Variants in PDE4D observed in about 807,000 individuals in gnomAD.
PDE4D encodes phosphodiesterase 4D.
Under a neutral mutation model 87.4 loss-of-function variants are expected in PDE4D, and 24 were observed. The observed-to-expected ratio is 0.27, with a 90% CI of 0.20 to 0.39. The LOEUF (loss-of-function observed/expected upper bound fraction) is 0.39. PDE4D is among the 10% of genes least tolerant of loss of function. The pLI is 1.00. For missense variants in PDE4D, 714 were observed against 1,041.0 expected, an observed-to-expected ratio of 0.69 and a Z score of 4.32; for synonymous variants, 384 against 383.2, an observed-to-expected ratio of 1.00 and a Z score of -0.02.
intron 2 of PDE4D, among the ~76,000 whole-genome samples, chr5:59,201,210 T>C (rs1451087990): frequency 6.6e-6 from 1 of 152,106 alleles, no homozygotes; most frequent in African/African-American, 2.4e-5. Flanking sequence ...CTTATTTTAA[T>C]TAAATATACA....
intron 1 of PDE4D, chr5:59,275,438 C>G (rs1390380232): frequency 1.9e-6 from 3 of 1,592,470 alleles, no homozygotes; most frequent in Non-Finnish European, 2.5e-6. Flanking sequence ...AAGTCTTCAA[C>G]TATTCTGATT....
intron 1 of PDE4D, among the ~76,000 whole-genome samples, chr5:59,678,676 G>C (rs975564637): frequency 1.3e-5 from 2 of 152,090 alleles, no homozygotes; most frequent in African/African-American, 2.4e-5. Context: ...TGTTGGTCAG[G>C]CTGGTCTTAA....
chr5:60,361,029 G>A (rs921340559), intron 1 of PDE4D, among the ~76,000 whole-genome samples: 2 of 152,110 alleles, frequency 1.3e-5, no homozygotes, highest in Non-Finnish European at 2.9e-5. Flanking sequence ...AATCTCAAAC[G>A]CCACCAACAC....
intron 2 of PDE4D, among the ~76,000 whole-genome samples, chr5:60,113,024 A>G (rs1185764870): frequency 6.6e-6 from 1 of 152,092 alleles, no homozygotes; most frequent in Non-Finnish European, 1.5e-5. Flanking sequence ...TTTGAAGAGG[A>G]TGTTCCATGG....
intron 1 of PDE4D, among the ~76,000 whole-genome samples, chr5:59,804,752 G>A (rs925530432): frequency 6.6e-5 from 10 of 152,086 alleles, no homozygotes; most frequent in African/African-American, 2.4e-4. Flanking sequence ...GTCCAATAGT[G>A]ATTATTCTGG....
At chr5:59,139,822 A>C (rs76045623) in intron 5 of PDE4D, among the ~76,000 whole-genome samples, 5,876 of 152,144 alleles carry the variant, frequency 0.039, 331 homozygotes, top group African/African-American at 0.12. Context: ...AAAAAAACTA[A>C]AAAACTGTCG....
intron 1 of PDE4D, among the ~76,000 whole-genome samples, chr5:59,710,522 T>C (rs1247820204): frequency 6.6e-6 from 1 of 152,148 alleles, no homozygotes; most frequent in Non-Finnish European, 1.5e-5. Flanking sequence ...CTTGTTCTCA[T>C]AACAGGGAAA....
intron 1 of PDE4D, among the ~76,000 whole-genome samples, chr5:60,426,500 G>A (rs1348025293): frequency 6.6e-6 from 1 of 152,010 alleles, no homozygotes; most frequent in Non-Finnish European, 1.5e-5. Flanking sequence ...TGGACACAGG[G>A]TGGCGAACAT....
intron 2 of PDE4D, among the ~76,000 whole-genome samples, chr5:60,183,769 T>C (rs1482670491): frequency 6.6e-6 from 1 of 152,202 alleles, no homozygotes; most frequent in Non-Finnish European, 1.5e-5. Flanking sequence ...GTATACAATT[T>C]TGGATTATAT....
chr5:60,521,425 A>G (rs890507079), intron 1 of PDE4D: 1 of 152,228 alleles, frequency 6.6e-6, no homozygotes, highest in Non-Finnish European at 1.5e-5. Flanking sequence ...CCTTTCTGAC[A>G]TCATCCTATA....
At chr5:59,435,498 A>G (rs1356473370) in intron 1 of PDE4D, among the ~76,000 whole-genome samples, 2 of 152,106 alleles carry the variant, frequency 1.3e-5, no homozygotes, top group Admixed American at 1.3e-4. Context: ...TGGCTGGCTA[A>G]TTCCTTTTAA....
At chr5:59,695,178 C>T (rs1259371080) in intron 1 of PDE4D, among the ~76,000 whole-genome samples, 1 of 149,376 alleles carries the variant, frequency 6.7e-6, no homozygotes, top group Admixed American at 6.7e-5. Context: ...ATCCGGGCTT[C>T]AATAATGCTT....
chr5:59,888,943 T>C (rs10037195), intron 1 of PDE4D, among the ~76,000 whole-genome samples: 5,318 of 152,162 alleles, frequency 0.035, 260 homozygotes, highest in African/African-American at 0.11. Context: ...AAAAAACTAA[T>C]GTTGCCAGGC....
intron 1 of PDE4D, among the ~76,000 whole-genome samples, chr5:60,228,505 C>T (rs1167538101): frequency 6.6e-6 from 1 of 151,876 alleles, no homozygotes; most frequent in East Asian, 1.9e-4. Context: ...CTTGGGTGCC[C>T]CCCAATGAGC....
At chr5:58,999,554 T>TAA (rs1491439714) in intron 6 of PDE4D, 1 of 764,634 alleles carries the variant, frequency 1.3e-6, no homozygotes. Flanking sequence ...TGATTATATG[T>TAA]ATATATATAT....
At chr5:60,231,644 T>G (rs111271621) in intron 1 of PDE4D, among the ~76,000 whole-genome samples, 2,124 of 151,960 alleles carry the variant, frequency 0.014, 24 homozygotes, top group Middle Eastern at 0.034. Flanking sequence ...TAACTGAAAA[T>G]TCTATGAAAA....
chr5:59,189,667 A>G, intron 3 of PDE4D, among the ~76,000 whole-genome samples: 1 of 152,290 alleles, frequency 6.6e-6, no homozygotes, highest in Middle Eastern at 3.4e-3. Flanking sequence ...TGGCCAAGAA[A>G]AAAAGGTCAG....
chr5:59,536,807 T>C (rs1301900607), intron 1 of PDE4D, among the ~76,000 whole-genome samples: 2 of 152,224 alleles, frequency 1.3e-5, no homozygotes, highest in Non-Finnish European at 2.9e-5. Flanking sequence ...TCTGTATTTC[T>C]GTACTCTTTG....
At chr5:59,033,925 C>T (rs1017900078) in intron 6 of PDE4D, among the ~76,000 whole-genome samples, 1 of 151,974 alleles carries the variant, frequency 6.6e-6, no homozygotes, top group Non-Finnish European at 1.5e-5. Context: ...ATTAAACTTT[C>T]ACTAAATACT....
Sources: gnomAD v4.1 joint callset for allele counts (sites outside exome capture counted in the v4.1 genomes callset) on GRCh38, gnomAD v4.1.1 for gene constraint, MANE v1.5 for transcripts, NCBI Gene and HGNC (gene_info 2026-07-23, HGNC 2026-07-21) for gene names.